The following PBX1 variants were observed in gnomAD, a reference collection of about 807,000 sequenced individuals.
The protein encoded by PBX1 is pre-B-cell leukemia transcription factor 1.
PBX1 carries 6 observed loss-of-function variants against 53.4 expected under a neutral mutation model. The ratio of observed to expected loss-of-function variants is 0.11; its 90% CI spans 0.06 to 0.22. The LOEUF (loss-of-function observed/expected upper bound fraction) is 0.22. PBX1 is among the 10% of genes least tolerant of loss of function. PBX1 has a pLI of 1.00. For synonymous variants in PBX1, 204 were observed against 212.3 expected (o/e 0.96, Z 0.34); for missense variants, 251 against 551.4 (o/e 0.46, Z 5.46).
chr1:164,645,098 C>T (rs562865710), intron 2 of PBX1, among the ~76,000 whole-genome samples: 2 of 152,272 alleles, frequency 1.3e-5, no homozygotes, highest in Non-Finnish European at 2.9e-5. Context: ...AGTGGGAGGA[C>T]TCTATCGATT....
intron 2 of PBX1, among the ~76,000 whole-genome samples, chr1:164,689,420 C>A (rs904373667): frequency 2.0e-5 from 3 of 151,292 alleles, no homozygotes; most frequent in Non-Finnish European, 2.9e-5. Context: ...GTTGATCTGT[C>A]CAAAGATATT....
intron 2 of PBX1, among the ~76,000 whole-genome samples, chr1:164,869,706 C>T (rs2102451743): frequency 6.6e-6 from 1 of 152,228 alleles, no homozygotes; most frequent in Admixed American, 6.5e-5. Context: ...GGGATAAATG[C>T]TAAAGAAAAA....
At chr1:164,663,712 C>T (rs934428076) in intron 2 of PBX1, among the ~76,000 whole-genome samples, 9 of 152,172 alleles carry the variant, frequency 5.9e-5, no homozygotes, top group African/African-American at 1.9e-4. Context: ...TCCTATCCAT[C>T]ATAGTCCTAT....
intron 2 of PBX1, among the ~76,000 whole-genome samples, chr1:164,704,449 T>G (rs945446646): frequency 1.3e-5 from 2 of 152,318 alleles, no homozygotes; most frequent in Non-Finnish European, 2.9e-5. Context: ...AACTGTAAAT[T>G]TATTAGATTT....
intron 2 of PBX1, among the ~76,000 whole-genome samples, chr1:164,705,790 A>G (rs1335624972): frequency 6.6e-6 from 1 of 152,242 alleles, no homozygotes; most frequent in African/African-American, 2.4e-5. Context: ...TTTGTATTCT[A>G]GAATTCCTTA....
intron 2 of PBX1, among the ~76,000 whole-genome samples, chr1:164,593,928 CTGA>C (rs765363588): frequency 1.2e-3 from 190 of 152,276 alleles, no homozygotes; most frequent in Non-Finnish European, 2.1e-3. Context: ...TAAGGTGAGG[CTGA>C]TATTTTCTTC....
At chr1:164,877,103 TGTAA>T (rs1314196583) in intron 2 of PBX1, among the ~76,000 whole-genome samples, 2 of 152,086 alleles carry the variant, frequency 1.3e-5, no homozygotes, top group South Asian at 2.1e-4. Flanking sequence ...TTTTTTTGCC[TGTAA>T]GTTTCTCATT....
At chr1:164,818,384 A>G (rs1349624368) in intron 6 of PBX1, 1 of 152,172 alleles carries the variant, frequency 6.6e-6, no homozygotes, top group African/African-American at 2.4e-5. Flanking sequence ...CTACCTTTCT[A>G]ATTCCTTTCA....
intron 1 of PBX1, among the ~76,000 whole-genome samples, chr1:164,560,794 G>A (rs970101364): frequency 2.6e-5 from 4 of 151,958 alleles, no homozygotes; most frequent in Non-Finnish European, 5.9e-5. Flanking sequence ...GCTATGTAGG[G>A]TCCTTTAAAA....
At chr1:164,629,253 G>T (rs1366161133) in intron 2 of PBX1, among the ~76,000 whole-genome samples, 1 of 152,102 alleles carries the variant, frequency 6.6e-6, no homozygotes, top group Non-Finnish European at 1.5e-5. Context: ...TTAGTGTTAA[G>T]CATTTTGAGT....
At chr1:164,644,681 C>G (rs1358000766) in intron 2 of PBX1, among the ~76,000 whole-genome samples, 2 of 151,956 alleles carry the variant, frequency 1.3e-5, no homozygotes, top group Non-Finnish European at 2.9e-5. Context: ...TAGACTGTTT[C>G]AGGATAAAAA....
At position 164,851,539 on chromosome 1, in the gene PBX1, C is replaced by G. The variant is rs1312619878; in HGVS notation, c.*4863C>G. 3 of 186,794 alleles carry G rather than the reference C, an allele frequency of 1.6e-5. No homozygotes were observed. The highest frequency in any genetic ancestry group is 2.3e-5 in the Non-Finnish European group (2 of 88,586). The allele number at this position is 186,794 out of a possible 1,614,324, so 11.6% of individuals were successfully genotyped here. ...TCCTTTTCTCTCTTATTACTTCTTT[C>G]CTTTGGCATTTTCAATTTGAAATGC... On this transcript the variant is annotated 3_prime_UTR_variant, in exon 9 of 9. Transcript: ENST00000420696.
At chr1:164,639,475 T>C (rs1052108025) in intron 2 of PBX1, 1 of 152,198 alleles carries the variant, frequency 6.6e-6, no homozygotes, top group African/African-American at 2.4e-5. Flanking sequence ...GCTCCCATCT[T>C]ATGGATGATG....
At chr1:164,856,303 G>A (rs1237035727), downstream of PBX1, among the ~76,000 whole-genome samples, 1 of 152,064 alleles carries the variant, frequency 6.6e-6, no homozygotes, top group African/African-American at 2.4e-5. Flanking sequence ...TGCACCTGAT[G>A]TTTCTCTCCT....
intron 2 of PBX1, among the ~76,000 whole-genome samples, chr1:164,610,575 G>T (rs1656852094): frequency 6.6e-6 from 1 of 152,058 alleles, no homozygotes; most frequent in Non-Finnish European, 1.5e-5. Context: ...GTGATGATAG[G>T]ATTAGCAATA....
chr1:164,626,973 A>G (rs1417970433), intron 2 of PBX1, among the ~76,000 whole-genome samples: 1 of 152,236 alleles, frequency 6.6e-6, no homozygotes, highest in East Asian at 1.9e-4. Flanking sequence ...TTTCAATTTT[A>G]CAATGCTTTC....
chr1:164,608,914 T>G (rs1374690861), intron 2 of PBX1, among the ~76,000 whole-genome samples: 1 of 152,178 alleles, frequency 6.6e-6, no homozygotes, highest in Non-Finnish European at 1.5e-5. Flanking sequence ...GTGGCTAATT[T>G]TTGTTAAGTA....
downstream of PBX1, among the ~76,000 whole-genome samples, chr1:164,853,710 C>G (rs139042051): frequency 3.8e-3 from 574 of 152,244 alleles, 3 homozygotes; most frequent in African/African-American, 0.013. Flanking sequence ...TTAGGGCCAC[C>G]TTGTTGCCAT....
chr1:164,642,708 A>T (rs1327905526), intron 2 of PBX1: 1 of 152,170 alleles, frequency 6.6e-6, no homozygotes, highest in South Asian at 2.1e-4. Context: ...AGAAAATGAG[A>T]TATTAGAAGG....
Sources: allele counts gnomAD v4.1 joint callset (sites outside exome capture counted in the v4.1 genomes callset), GRCh38; gene constraint gnomAD v4.1.1; transcripts MANE v1.5; gene names NCBI Gene and HGNC (gene_info 2026-07-23, HGNC 2026-07-21).